SULF1: variants seen among roughly 807,000 people sequenced by gnomAD.
SULF1 encodes the protein sulfatase 1.
Under a neutral mutation model 110.5 loss-of-function variants are expected in SULF1, and 46 were observed. The ratio of observed to expected loss-of-function variants is 0.42; its 90% CI spans 0.33 to 0.53. SULF1 has a LOEUF of 0.53. SULF1 is among the 20% of genes least tolerant of loss of function. The pLI, the probability that SULF1 is intolerant of heterozygous loss-of-function variation, is 0.12. For missense variants in SULF1, 941 were observed against 1,094.2 expected, an observed-to-expected ratio of 0.86 and a Z score of 1.98; for synonymous variants, 371 against 387.1, an observed-to-expected ratio of 0.96 and a Z score of 0.49.
rs35961171 is a variant in SULF1, at chr8:69,616,702, GTTT to G, written c.1378-4315_1378-4313del. Among the ~76,000 whole-genome samples the G allele has an allele frequency of 5.9e-4, 62 of 104,604 alleles. No homozygotes were observed. The South Asian group carries it at 6.0e-3, about 10-fold the overall frequency. 68.6% of individuals were successfully genotyped at this position (104,604 alleles called of 152,430 possible). Reference sequence around the variant, plus strand: ...CAGGCTTGAGCTACTGTGCCCGGCCGTTTTTTTTTTTTTTTTTTTTCTGTATTT... The same window carrying G: ...CAGGCTTGAGCTACTGTGCCCGGCCGTTTTTTTTTTTTTTTTTCTGTATTT... On this transcript the variant is annotated intron_variant, in intron 13 of 22. Coordinates refer to ENST00000402687, the MANE Select transcript of SULF1 (RefSeq NM_001128205.2).
intron 19 of SULF1, among the ~76,000 whole-genome samples, chr8:69,635,324 T>C (rs1463618254): frequency 6.6e-6 from 1 of 152,236 alleles, no homozygotes; most frequent in Non-Finnish European, 1.5e-5. Flanking sequence ...TGTCTCAATA[T>C]AGGCTCATTG....
chr8:69,602,827 C>G (rs1311500319), intron 10 of SULF1, among the ~76,000 whole-genome samples: 6 of 152,118 alleles, frequency 3.9e-5, no homozygotes. Context: ...ACTGTACATC[C>G]TTTTTTAAAA....
chr8:69,555,855 A>G (rs1256734676), intron 3 of SULF1, among the ~76,000 whole-genome samples: 1 of 152,210 alleles, frequency 6.6e-6, no homozygotes, highest in African/African-American at 2.4e-5. Flanking sequence ...TAAATATACC[A>G]TCTAATTGTC....
chr8:69,658,587 C>A lies in SULF1; in HGVS notation c.*52C>A, dbSNP rs776732452. 6.1e-6 allele frequency: 9 copies of A among 1,477,442 alleles called. No individual in the cohort carries two copies. Among genetic ancestry groups the A allele is most frequent in the Admixed American group, 1.7e-5 (1 of 59,766 alleles). 91.5% of individuals were successfully genotyped at this position (1,477,442 alleles called of 1,614,324 possible). ...ACTGGCAAGGCCTAGAGGAGCTACACAGTGTGAATGAAAACATCTATGAGT... is the reference window on the plus strand; with the variant it reads ...ACTGGCAAGGCCTAGAGGAGCTACAAAGTGTGAATGAAAACATCTATGAGT... On this transcript the variant is annotated 3_prime_UTR_variant, in exon 23 of 23. Coordinates refer to ENST00000402687, the MANE Select transcript of SULF1 (RefSeq NM_001128205.2).
chr8:69,556,607 TAAG>T (rs1404555505), intron 3 of SULF1, among the ~76,000 whole-genome samples: 2 of 152,200 alleles, frequency 1.3e-5, no homozygotes, highest in African/African-American at 4.8e-5. Flanking sequence ...TCAGTACAAA[TAAG>T]CCATAGATAT....
chr8:69,505,172 T>G (rs1025442657), intron 3 of SULF1, among the ~76,000 whole-genome samples: 1 of 152,208 alleles, frequency 6.6e-6, no homozygotes, highest in Non-Finnish European at 1.5e-5. Flanking sequence ...AGAGATAGGT[T>G]GTATTCACAT....
At chr8:69,555,940 A>C (rs1288694614) in intron 3 of SULF1, among the ~76,000 whole-genome samples, 2 of 152,224 alleles carry the variant, frequency 1.3e-5, no homozygotes, top group South Asian at 4.1e-4. Context: ...GCATTGCGCC[A>C]GATTATGTAC....
At chr8:69,642,120 G>A (rs1301090645) in intron 22 of SULF1, 2 of 592,588 alleles carry the variant, frequency 3.4e-6, no homozygotes, top group Non-Finnish European at 4.2e-6. Context: ...AACTTAATTG[G>A]TGCCATCTAT....
chr8:69,512,209 T>C (rs565726945), intron 3 of SULF1, among the ~76,000 whole-genome samples: 1 of 152,316 alleles, frequency 6.6e-6, no homozygotes, highest in East Asian at 1.9e-4. Context: ...TCTCTTTCTT[T>C]GTCATTAAGT....
intron 8 of SULF1, chr8:69,593,077 G>A (rs755618949): frequency 3.1e-4 from 177 of 578,194 alleles, no homozygotes; most frequent in Non-Finnish European, 3.7e-4. Flanking sequence ...GCTAATCCTT[G>A]GGTTTTGTGC....
intron 6 of SULF1, among the ~76,000 whole-genome samples, chr8:69,581,766 G>A (rs1355308820): frequency 2.6e-5 from 4 of 152,116 alleles, no homozygotes; most frequent in South Asian, 2.1e-4. Flanking sequence ...GCAGAGCGCC[G>A]CCAGGAAACA....
At chr8:69,521,585 A>G (rs1812302047) in intron 3 of SULF1, among the ~76,000 whole-genome samples, 1 of 152,164 alleles carries the variant, frequency 6.6e-6, no homozygotes, top group African/African-American at 2.4e-5. Context: ...CCTATATATT[A>G]CAGGAACCAC....
At chr8:69,550,477 A>G (rs1814616956) in intron 3 of SULF1, among the ~76,000 whole-genome samples, 1 of 152,126 alleles carries the variant, frequency 6.6e-6, no homozygotes, top group Non-Finnish European at 1.5e-5. Flanking sequence ...ACAAAAAGAA[A>G]AAGGTGGAAT....
chr8:69,628,833 T>G (rs1368063301), intron 18 of SULF1, among the ~76,000 whole-genome samples: 1 of 152,206 alleles, frequency 6.6e-6, no homozygotes, highest in African/African-American at 2.4e-5. Flanking sequence ...CAACTAACCT[T>G]TAACTCGATG....
At chr8:69,474,288 A>G (rs1210058623) in intron 1 of SULF1, among the ~76,000 whole-genome samples, 5 of 152,222 alleles carry the variant, frequency 3.3e-5, no homozygotes, top group Non-Finnish European at 7.3e-5. Flanking sequence ...GTGCACCTCT[A>G]GATATTATCT....
intron 19 of SULF1, among the ~76,000 whole-genome samples, chr8:69,632,060 A>G (rs908220412): frequency 2.6e-5 from 4 of 152,218 alleles, no homozygotes; most frequent in Non-Finnish European, 5.9e-5. Flanking sequence ...GAATAAATAA[A>G]CAAACAAGCA....
chr8:69,505,178 C>T (rs897763996), intron 3 of SULF1, among the ~76,000 whole-genome samples: 3 of 152,130 alleles, frequency 2.0e-5, no homozygotes, highest in Admixed American at 2.0e-4. Context: ...AGGTTGTATT[C>T]ACATATGAGA....
At chr8:69,490,439 T>A (rs192833475), upstream of SULF1, among the ~76,000 whole-genome samples, 3,801 of 151,204 alleles carry the variant, frequency 0.025, 62 homozygotes, top group Non-Finnish European at 0.04. Context: ...AGTTTAAAAA[T>A]TTTTTTTTAG....
chr8:69,603,775 C>G, intron 12 of SULF1, 119 bp downstream of exon 12: 1 of 728,376 alleles, frequency 1.4e-6, no homozygotes, highest in Non-Finnish European at 2.5e-6. Flanking sequence ...TAAACCTAGT[C>G]ACAAGATTGA....
Sources: gnomAD v4.1 joint callset for allele counts (sites outside exome capture counted in the v4.1 genomes callset) on GRCh38, gnomAD v4.1.1 for gene constraint, MANE v1.5 for transcripts, NCBI Gene and HGNC (gene_info 2026-07-23, HGNC 2026-07-21) for gene names.